The following SRRT variants were observed in gnomAD, a reference collection of about 807,000 sequenced individuals.
The protein encoded by SRRT is serrate, RNA effector molecule, also known as serrate RNA effector molecule homolog.
Under a neutral mutation model 103.2 loss-of-function variants are expected in SRRT, and 32 were observed. That is an observed-to-expected ratio of 0.31 (90% CI 0.23 to 0.42). SRRT has a LOEUF of 0.42. SRRT is among the 10% of genes least tolerant of loss of function. The probability of loss-of-function intolerance (pLI) is 1.00; values close to 1 mark genes in which losing one functional copy is unlikely to be tolerated. For missense variants in SRRT, 986 were observed against 1,207.5 expected, an observed-to-expected ratio of 0.82 and a Z score of 2.72; for synonymous variants, 525 against 449.0, an observed-to-expected ratio of 1.17 and a Z score of -2.14.
At chr7:100,875,520 C>T (rs1262282398) in intron 1 of SRRT, 53 bp from the exon 2 acceptor site, 4 of 1,601,464 alleles carry the variant, frequency 2.5e-6, no homozygotes, top group Admixed American at 1.7e-5. Context: ...GGGACGGTCC[C>T]TTCCTCCGCT....
rs1022223358 is a variant in SRRT at position 100,887,217 on chromosome 7, C to T, written c.1975+17C>T. ...ACGGGGAAGGTGAGCTCCAGGTTCC[C>T]CTTTGTTCCCGGCTGCCCCTGGCCT... On this transcript the variant is annotated intron_variant, in intron 15 of 19. Transcript: ENST00000611405. The surrounding 1 kb of genome is among the most constrained non-coding windows in gnomAD (Gnocchi z 4.1). 10 of 1,613,980 alleles carry T rather than the reference C, an allele frequency of 6.2e-6. No homozygotes were observed. In the South Asian group the frequency reaches 7.7e-5, roughly 12 times the overall value.
At position 100,887,604 on chromosome 7, in the gene SRRT, C is replaced by T. The variant is rs1405416404; in HGVS notation, c.2169+91C>T. 1.3e-6 allele frequency: 2 copies of T among 1,579,472 alleles called. No homozygotes were observed. Among genetic ancestry groups the T allele is most frequent in the Non-Finnish European group, 8.6e-7 (1 of 1,159,386 alleles). On this transcript the variant is annotated intron_variant, in intron 16 of 19. Coordinates refer to ENST00000611405, the MANE Select transcript of SRRT (RefSeq NM_015908.6). The surrounding 1 kb of genome is among the most constrained non-coding windows in gnomAD (Gnocchi z 4.1). The stretch of plus-strand genomic sequence containing the variant: ...TGGGCAGGGGTGGGGGAACTGCTTA[C>T]TGCACTGGCAGGCGGGAGCTGGGAA...
chr7:100,876,638 GGCGGT>G, intron 2 of SRRT, among the ~76,000 whole-genome samples: 1 of 152,328 alleles, frequency 6.6e-6, no homozygotes, highest in African/African-American at 2.4e-5. Context: ...GAGTTCATAG[GGCGGT>G]GCTGATTGGA....
At chr7:100,881,151 G>A (rs574761947) in intron 2 of SRRT, 134 bp from the exon 3 acceptor site, 5 of 830,666 alleles carry the variant, frequency 6.0e-6, no homozygotes, top group Non-Finnish European at 7.4e-6. Context: ...GCGGGGGGGG[G>A]TCTCACTATT....
intron 2 of SRRT, among the ~76,000 whole-genome samples, chr7:100,878,303 C>G (rs1044883168): frequency 1.3e-5 from 2 of 150,974 alleles, no homozygotes; most frequent in African/African-American, 4.9e-5. Flanking sequence ...CAGAGAGATA[C>G]CCTGTCAAAA....
rs1380105013 is a variant in SRRT, at chr7:100,888,123, C to T, written c.2408C>T (p.Pro803Leu). Residue 803 changes from proline (P) to leucine (L), a missense_variant, in exon 18 of 20, where the codon CCC (proline) becomes CTC (leucine). Pro to Leu is a moderately conservative substitution (Grantham distance 98, BLOSUM62 -3). Coordinates refer to ENST00000611405, the MANE Select transcript of SRRT (RefSeq NM_015908.6). ...CTGATGCCCTATGGTCAGCCCCGGC[C>T]CCCGATCTTGGGCTATGGAGGTAAG... ...QGLMPYGQPR[P>L]PILGYGAGAV... 3 of 1,610,584 alleles carry T rather than the reference C, an allele frequency of 1.9e-6. No individual in the cohort carries two copies. Among genetic ancestry groups the T allele is most frequent in the Non-Finnish European group, 2.5e-6 (3 of 1,178,192 alleles).
At chr7:100,881,250 G>T in intron 2 of SRRT, 35 bp from the exon 3 acceptor site, 1 of 1,595,246 alleles carries the variant, frequency 6.3e-7, no homozygotes, top group South Asian at 1.1e-5. Flanking sequence ...CACTGTGCCT[G>T]GCCTTTAATC....
intron 2 of SRRT, chr7:100,875,963 C>T (rs978492427): frequency 3.7e-5 from 16 of 427,460 alleles, no homozygotes; most frequent in African/African-American, 1.4e-4. Context: ...TATACATGCA[C>T]GAAAAGCGTG....
chr7:100,888,627 C>T lies in SRRT; in HGVS notation c.*78C>T, dbSNP rs776076857. 5.1e-5 allele frequency: 81 copies of T among 1,578,304 alleles called. No homozygotes were observed. The highest frequency in any genetic ancestry group is 3.3e-4 in the Middle Eastern group (2 of 5,988). On this transcript the variant is annotated 3_prime_UTR_variant, in exon 20 of 20. Transcript: ENST00000611405. Reference sequence around the variant, plus strand: ...TATGAAGCTCTGAGAATTTTTTGTACGATCAGCCTTACTGCTAATAAAAGC... The same window carrying T: ...TATGAAGCTCTGAGAATTTTTTGTATGATCAGCCTTACTGCTAATAAAAGC...
At chr7:100,884,000 G>GCCCCTTCCCACATCCTGGC (rs1409555083) in intron 5 of SRRT, 70 bp from the exon 6 acceptor site, 1 of 1,493,384 alleles carries the variant, frequency 6.7e-7, no homozygotes, top group African/African-American at 1.4e-5. Flanking sequence ...TCTTTCCTGG[G>GCCCCTTCCCACATCCTGGC]CCCCTTCCCA....
intron 3 of SRRT, 27 bp downstream of exon 3, chr7:100,881,440 C>A: frequency 6.2e-7 from 1 of 1,604,578 alleles, no homozygotes; most frequent in Non-Finnish European, 8.5e-7. Context: ...TCCCTCTCCT[C>A]CCCTTTGCCT....
chr7:100,884,552 G>C lies in SRRT; in HGVS notation c.942G>C (p.Gln314His). 6.3e-7 allele frequency: 1 copy of C among 1,597,380 alleles called. No homozygotes were observed. The highest frequency in any genetic ancestry group is 8.5e-7 in the Non-Finnish European group (1 of 1,170,790). The change falls in exon 7 of 20, where the codon CAG (glutamine) becomes CAC (histidine). Residue 314 changes from glutamine (Q) to histidine (H), a missense_variant and splice_region_variant. Gln to His is a conservative substitution (Grantham distance 24, BLOSUM62 0). This residue lies in a region of SRRT where 166 missense variants were observed against 148.6 expected (regional missense o/e 1.12). Transcript: ENST00000611405. ...DKDEKKEDGK[Q>H]AENDSSNDDK... ...ATGAGAAGAAGGAAGACGGCAAGCA[G>C]GTCCGAGCCCTGGGTCTCCTAGTGT...
chr7:100,876,505 T>C (rs1255415575), intron 2 of SRRT, among the ~76,000 whole-genome samples: 2 of 152,194 alleles, frequency 1.3e-5, no homozygotes, highest in Non-Finnish European at 2.9e-5. Flanking sequence ...TTGTAAATTA[T>C]ATTTTAGGAG....
Position 100,885,986 on chromosome 7 carries a change from T to G in SRRT, c.1458+45T>G. On this transcript the variant is annotated intron_variant, in intron 12 of 19. Coordinates refer to ENST00000611405, the MANE Select transcript of SRRT (RefSeq NM_015908.6). The surrounding 1 kb of genome is among the most constrained non-coding windows in gnomAD (Gnocchi z 4.8). ...CTGTGGGGAAGAGGAAGGGAGACTC[T>G]GTGCCACACGGGACCTCTGTGTGAC... is the stretch of plus-strand genomic sequence containing the variant. 6.3e-7 allele frequency: 1 copy of G among 1,593,796 alleles called. No homozygotes were observed. The highest frequency in any genetic ancestry group is 8.6e-7 in the Non-Finnish European group (1 of 1,162,668).
rs780858062 is a variant in SRRT at position 100,885,794 on chromosome 7, G to A, written c.1379+32G>A. 26 of 1,613,752 alleles carry A rather than the reference G, an allele frequency of 1.6e-5. No individual in the cohort carries two copies. Among genetic ancestry groups the A allele is most frequent in the South Asian group, 1.1e-4 (10 of 91,088 alleles). ...AACTCGGTGCGTTGGAGGGAAAAGTGCAGGGGAACGTTAATGGCCAACACC... is the reference window on the plus strand; with the variant it reads ...AACTCGGTGCGTTGGAGGGAAAAGTACAGGGGAACGTTAATGGCCAACACC... On this transcript the variant is annotated intron_variant, in intron 11 of 19. Transcript: ENST00000611405. This position sits in a 1 kb window ranked among gnomAD's most constrained non-coding sequence, Gnocchi z 4.8.
intron 2 of SRRT, among the ~76,000 whole-genome samples, chr7:100,876,999 C>G (rs1291533271): frequency 6.6e-5 from 10 of 151,986 alleles, no homozygotes; most frequent in African/African-American, 2.2e-4. Context: ...TAGGGGGTCT[C>G]CGAGGCTAAA....
chr7:100,879,639 C>G (rs761296920), intron 2 of SRRT, among the ~76,000 whole-genome samples: 2 of 151,934 alleles, frequency 1.3e-5, no homozygotes, highest in African/African-American at 2.4e-5. Flanking sequence ...TAGTAAGTAT[C>G]GATAGATGTA....
Position 100,885,429 on chromosome 7 carries a change from A to G in SRRT, c.1317+59A>G, listed in dbSNP as rs1303835806. The G allele has an allele frequency of 1.3e-6, 2 of 1,555,452 alleles. No individual in the cohort carries two copies. Among genetic ancestry groups the G allele is most frequent in the East Asian group, 4.6e-5 (2 of 43,936 alleles). ...GATGGAGAAGTGGAGGGTAGAGGGA[A>G]GGCAGTGGGGCCCTGCCTGTGACAG... On this transcript the variant is annotated intron_variant, in intron 10 of 19. Transcript: ENST00000611405. The surrounding 1 kb of genome is among the most constrained non-coding windows in gnomAD (Gnocchi z 4.8).
rs749149580 is a variant in SRRT at position 100,887,185 on chromosome 7, A to G, written c.1960A>G (p.Ile654Val). 6.2e-7 allele frequency: 1 copy of G among 1,614,164 alleles called. No homozygotes were observed. Among genetic ancestry groups the G allele is most frequent in the Non-Finnish European group, 8.5e-7 (1 of 1,180,022 alleles). ...HVRGPMPPNR[I>V]SHGEVLEWQK... is the part of the protein sequence containing the mutation. ...TCGGGGGCCCATGCCACCCAACCGC[A>G]TCAGTCACGGGGAAGGTGAGCTCCA... Residue 654 changes from isoleucine to valine, a missense_variant, in exon 15 of 20, where the codon ATC becomes GTC. This residue lies in a region of SRRT where 349 missense variants were observed against 446.9 expected (regional missense o/e 0.78). Transcript: ENST00000611405. The surrounding 1 kb of genome is among the most constrained non-coding windows in gnomAD (Gnocchi z 4.1).
Sources: gnomAD v4.1 joint callset for allele counts (sites outside exome capture counted in the v4.1 genomes callset) on GRCh38, gnomAD v4.1.1 for gene constraint, gnomAD v4.1.1 regional missense constraint, Gnocchi (gnomAD v3.1) non-coding constraint, MANE v1.5 for transcripts, NCBI Gene and HGNC (gene_info 2026-07-23, HGNC 2026-07-21) for gene names.